Variants in FGF2 observed in about 807,000 individuals in gnomAD.
The protein encoded by FGF2 is fibroblast growth factor 2, also known as basic fibroblast growth factor bFGF.
In FGF2, 13 loss-of-function variants were observed where a neutral mutation model predicts 15.9. That is an observed-to-expected ratio of 0.82 (90% CI 0.53 to 1.30). The LOEUF (loss-of-function observed/expected upper bound fraction) is 1.30. Ranked by LOEUF, FGF2 falls within the 50% of genes most tolerant of loss-of-function variation. The pLI, the probability that FGF2 is intolerant of heterozygous loss-of-function variation, is 0.00. For synonymous variants in FGF2, 90 were observed against 78.4 expected, an observed-to-expected ratio of 1.15 and a Z score of -0.78; for missense variants, 163 against 196.9, an observed-to-expected ratio of 0.83 and a Z score of 1.03.
chr4:122,839,822 A>G (rs780590214), intron 1 of FGF2, among the ~76,000 whole-genome samples: 3 of 152,220 alleles, frequency 2.0e-5, no homozygotes, highest in Admixed American at 6.5e-5. Context: ...TAAGGCTGCC[A>G]TAACAAACAT....
intron 1 of FGF2, among the ~76,000 whole-genome samples, chr4:122,847,990 A>C (rs1231069908): frequency 6.6e-6 from 1 of 152,252 alleles, no homozygotes; most frequent in Non-Finnish European, 1.5e-5. Context: ...ATAGCTGGGC[A>C]CTATGGCCCA....
chr4:122,849,690 G>A (rs1398277205), intron 1 of FGF2, among the ~76,000 whole-genome samples: 1 of 152,200 alleles, frequency 6.6e-6, no homozygotes, highest in African/African-American at 2.4e-5. Flanking sequence ...TAGGAACATT[G>A]AGGGACTTCA....
intron 1 of FGF2, among the ~76,000 whole-genome samples, chr4:122,836,854 A>T (rs2150763693): frequency 6.6e-6 from 1 of 152,324 alleles, no homozygotes; most frequent in African/African-American, 2.4e-5. Context: ...CATTTGTTGG[A>T]TCACTTTTTA....
intron 1 of FGF2, among the ~76,000 whole-genome samples, chr4:122,875,657 A>T (rs976771114): frequency 5.3e-5 from 8 of 152,234 alleles, no homozygotes; most frequent in African/African-American, 1.9e-4. Flanking sequence ...AATACAAAAA[A>T]TTAGCTGGGC....
intron 2 of FGF2, among the ~76,000 whole-genome samples, chr4:122,884,060 A>G (rs1333660009): frequency 1.3e-5 from 2 of 152,262 alleles, no homozygotes; most frequent in African/African-American, 4.8e-5. Context: ...AGAAAAATAC[A>G]GTAATTGAAG....
In FGF2 at chr4:122,897,452, T is replaced by C; in HGVS notation, c.*5056T>C. The C allele has an allele frequency of 3.2e-6, 2 of 631,008 alleles. No homozygotes were observed. Among genetic ancestry groups the C allele is most frequent in the South Asian group, 3.8e-5 (2 of 52,832 alleles). The allele number at this position is 631,008 out of a possible 1,614,324, so 39.1% of individuals were successfully genotyped here. ...TCTACTAATGGAATAAACTGTAATA[T>C]TAGAAATTATGCTGCTAATTATATC... On this transcript the variant is annotated 3_prime_UTR_variant, in exon 3 of 3. Transcript: ENST00000644866.
chr4:122,879,906 T>A (rs1007698677), intron 2 of FGF2, among the ~76,000 whole-genome samples: 4 of 152,098 alleles, frequency 2.6e-5, no homozygotes, highest in Non-Finnish European at 5.9e-5. Flanking sequence ...CAAGATGAAA[T>A]TTAGGTGGGG....
intron 1 of FGF2, among the ~76,000 whole-genome samples, chr4:122,853,676 C>T (rs940607780): frequency 3.9e-5 from 6 of 152,246 alleles, no homozygotes; most frequent in South Asian, 2.1e-4. Context: ...ACTTGGGTTA[C>T]GCATCCATAC....
intron 1 of FGF2, among the ~76,000 whole-genome samples, chr4:122,863,140 G>A (rs2034461): frequency 0.16 from 24,252 of 152,104 alleles, 2,419 homozygotes; most frequent in East Asian, 0.45. Context: ...ACAGAACTTT[G>A]CCAGCCACCT....
chr4:122,893,119 C>T lies in FGF2; in HGVS notation c.*723C>T. 1.2e-6 allele frequency: 2 copies of T among 1,614,158 alleles called. No homozygotes were observed. Among genetic ancestry groups the T allele is most frequent in the Non-Finnish European group, 1.7e-6 (2 of 1,180,032 alleles). ...GGCGGCAGATGATATACATATCTGA[C>T]TTCCCAAAAGCTCCAGGATTTGTGT... On this transcript the variant is annotated 3_prime_UTR_variant, in exon 3 of 3. Coordinates refer to ENST00000644866, the MANE Select transcript of FGF2 (RefSeq NM_001361665.2).
chr4:122,891,600 T>A (rs1348696091), intron 2 of FGF2, among the ~76,000 whole-genome samples: 2 of 152,236 alleles, frequency 1.3e-5, no homozygotes, highest in African/African-American at 2.4e-5. Flanking sequence ...TGGCATTATA[T>A]ACCAATAGCT....
intron 2 of FGF2, chr4:122,884,386 T>C (rs966661401): frequency 3.9e-5 from 6 of 152,116 alleles, no homozygotes; most frequent in African/African-American, 1.4e-4. Context: ...CACAGCCAAC[T>C]TGGGAGGCTG....
At chr4:122,851,425 G>A (rs1578460415) in intron 1 of FGF2, among the ~76,000 whole-genome samples, 1 of 152,126 alleles carries the variant, frequency 6.6e-6, no homozygotes, top group African/African-American at 2.4e-5. Flanking sequence ...ATAGAAAAGA[G>A]TATAATCCCA....
In FGF2 at chr4:122,827,387, A is replaced by T; in HGVS notation, c.178+35A>T. ...GACCCGCTCTCTCCGCCTCATTTCC[A>T]TTTCGTGGGTTCTCGCCCGCTCTCT... On this transcript the variant is annotated intron_variant, in intron 1 of 2. Coordinates refer to ENST00000644866, the MANE Select transcript of FGF2 (RefSeq NM_001361665.2). This position sits in a 1 kb window ranked among gnomAD's most constrained non-coding sequence, Gnocchi z 4.2. 6.2e-7 allele frequency: 1 copy of T among 1,609,066 alleles called. No individual in the cohort carries two copies. The highest frequency in any genetic ancestry group is 8.5e-7 in the Non-Finnish European group (1 of 1,177,520).
At chr4:122,891,031 TTTTTGTTTTG>T (rs1560760171) in intron 2 of FGF2, among the ~76,000 whole-genome samples, 3 of 138,540 alleles carry the variant, frequency 2.2e-5, no homozygotes, top group East Asian at 2.1e-4. Context: ...CTTTTTTTTT[TTTTTGTTTTG>T]TTTTGTTTTG....
At chr4:122,860,828 G>A (rs996409002) in intron 1 of FGF2, among the ~76,000 whole-genome samples, 2 of 152,120 alleles carry the variant, frequency 1.3e-5, no homozygotes, top group Non-Finnish European at 2.9e-5. Flanking sequence ...TGGTTCTAAA[G>A]TATAGATTTA....
intron 2 of FGF2, among the ~76,000 whole-genome samples, chr4:122,887,573 C>G (rs1223279231): frequency 6.6e-6 from 1 of 152,178 alleles, no homozygotes; most frequent in Admixed American, 6.5e-5. Flanking sequence ...AAAAAACAAA[C>G]TTTTAAAAGT....
At chr4:122,889,243 A>C (rs1026708268) in intron 2 of FGF2, among the ~76,000 whole-genome samples, 9 of 152,216 alleles carry the variant, frequency 5.9e-5, no homozygotes, top group African/African-American at 2.2e-4. Context: ...TCATGCATTA[A>C]GGGATTTCTC....
chr4:122,834,510 CT>C (rs1725825598), intron 1 of FGF2, among the ~76,000 whole-genome samples: 2 of 152,286 alleles, frequency 1.3e-5, no homozygotes, highest in South Asian at 4.1e-4. Flanking sequence ...ATCATGTGGC[CT>C]TTTCCAATTT....
Sources: gnomAD v4.1 joint callset for allele counts (sites outside exome capture counted in the v4.1 genomes callset) on GRCh38, gnomAD v4.1.1 for gene constraint, Gnocchi (gnomAD v3.1) non-coding constraint, MANE v1.5 for transcripts, NCBI Gene and HGNC (gene_info 2026-07-23, HGNC 2026-07-21) for gene names.